The following CLIP2 variants were observed in gnomAD, a reference collection of about 807,000 sequenced individuals.
CLIP2 encodes the protein CAP-Gly domain-containing linker protein 2.
A neutral mutation model predicts 111.7 loss-of-function variants in CLIP2; 41 were observed. The observed-to-expected ratio is 0.37, with a 90% CI of 0.29 to 0.48. CLIP2 has a LOEUF of 0.48. Among genes scored for constraint, CLIP2 ranks in the 20% least tolerant of loss-of-function variants. The pLI is 0.99. For missense variants in CLIP2, 1,160 were observed against 1,422.1 expected (o/e 0.82, Z 2.96); for synonymous variants, 660 against 644.2 (o/e 1.02, Z -0.37).
At chr7:74,341,017 C>T (rs564246008) in intron 3 of CLIP2, among the ~76,000 whole-genome samples, 10 of 152,116 alleles carry the variant, frequency 6.6e-5, no homozygotes, top group Non-Finnish European at 7.4e-5. Flanking sequence ...AAGGTTTCTC[C>T]TGGAGGTTTC....
chr7:74,401,589 C>T, intron 16 of CLIP2, 22 bp downstream of exon 16: 1 of 1,610,888 alleles, frequency 6.2e-7, no homozygotes, highest in South Asian at 1.1e-5. Context: ...CTCGGGCCTC[C>T]CAGGTCCCTC....
intron 1 of CLIP2, among the ~76,000 whole-genome samples, chr7:74,312,479 C>T (rs1788666022): frequency 6.6e-6 from 1 of 152,118 alleles, no homozygotes; most frequent in East Asian, 1.9e-4. Flanking sequence ...CATTTGGTCA[C>T]CCACAAGGTG....
At chr7:74,388,861 C>G in intron 12 of CLIP2, 1 of 390,752 alleles carries the variant, frequency 2.6e-6, no homozygotes, top group Non-Finnish European at 4.5e-6. Flanking sequence ...GAGGCTGAGG[C>G]AGGAGGATTG....
intron 3 of CLIP2, among the ~76,000 whole-genome samples, chr7:74,351,641 G>T (rs1790001669): frequency 6.6e-6 from 1 of 151,920 alleles, no homozygotes. Flanking sequence ...TGCGAGACCA[G>T]CCTGGCCAAC....
At position 74,323,670 on chromosome 7, in the gene CLIP2, C is replaced by T. The variant is rs567020935; in HGVS notation, c.121+6003C>T. 1.5e-3 allele frequency among the ~76,000 whole-genome samples: 236 copies of T among 152,260 alleles called. 4 individuals are homozygous for T. Among genetic ancestry groups the T allele is most frequent in the Non-Finnish European group, 1.5e-4 (10 of 68,018 alleles). On this transcript the variant is annotated intron_variant, in intron 2 of 16. Coordinates refer to ENST00000223398, the MANE Select transcript of CLIP2 (RefSeq NM_003388.5). The stretch of plus-strand genomic sequence containing the variant: ...TCCAACTCCTGACTCAGGTAATCTG[C>T]CTGCCTCGGCCTCCCAAAGTGCTGG...
At chr7:74,322,379 G>T (rs1430099366) in intron 2 of CLIP2, among the ~76,000 whole-genome samples, 3 of 150,790 alleles carry the variant, frequency 2.0e-5, no homozygotes, top group Middle Eastern at 3.2e-3. Flanking sequence ...GCCAAGGCAG[G>T]CAGATCACCT....
chr7:74,314,097 G>C (rs531114480), intron 1 of CLIP2, among the ~76,000 whole-genome samples: 11 of 150,888 alleles, frequency 7.3e-5, no homozygotes, highest in African/African-American at 9.7e-5. Flanking sequence ...CAGAAGAATT[G>C]CTTGAAACCA....
chr7:74,295,805 G>C lies in CLIP2; in HGVS notation c.-68+6071G>C, dbSNP rs528068631. Among the ~76,000 whole-genome samples the C allele has an allele frequency of 5.9e-5, 9 of 152,036 alleles. 1 individual carries two copies. The South Asian group carries it at 1.9e-3, about 32-fold the overall frequency. On this transcript the variant is annotated intron_variant, in intron 1 of 16. Transcript: ENST00000223398. Reference sequence around the variant, plus strand: ...GAATCACTTGAGCCTAGGAGTTTGAGAGCAGCGTGGGCAACAGAGCCAGAC... The same window carrying C: ...GAATCACTTGAGCCTAGGAGTTTGACAGCAGCGTGGGCAACAGAGCCAGAC...
rs145292276 is a variant in CLIP2 at position 74,385,043 on chromosome 7, G to A, written c.2480-1478G>A. On this transcript the variant is annotated intron_variant, in intron 11 of 16. Transcript: ENST00000223398. ...TATAATCCCAACACTTTGGGAGGCC[G>A]AGGTGGGTGGATCACTTGAGGTCAA... 9.3e-3 allele frequency among the ~76,000 whole-genome samples: 1,397 copies of A among 149,892 alleles called. 19 individuals carry two copies. Among genetic ancestry groups the A allele is most frequent in the African/African-American group, 0.032 (1,288 of 40,720 alleles).
Position 74,353,942 on chromosome 7 carries a change from G to A in CLIP2, c.741G>A (p.Glu247=), listed in dbSNP as rs376818429. ...YVGETDFAKG[E]WCGVELDEPL... ...GGGAGACAGACTTTGCCAAGGGCGA[G>A]TGGTGTGGCGTGGAGCTGGACGAGC... The change falls in exon 4 of 17, where the codon GAG becomes GAA. Residue 247 remains glutamate (E), a synonymous_variant. Coordinates refer to ENST00000223398, the MANE Select transcript of CLIP2 (RefSeq NM_003388.5). 3.0e-5 allele frequency: 48 copies of A among 1,614,086 alleles called. No homozygotes were observed. In the African/African-American group the frequency reaches 5.2e-4, roughly 18 times the overall value.
At position 74,403,989 on chromosome 7, in the gene CLIP2, G is replaced by A. The variant is rs992656272; in HGVS notation, c.*141G>A. 1.4e-5 allele frequency: 13 copies of A among 915,848 alleles called. No homozygotes were observed. The highest frequency in any genetic ancestry group is 2.1e-5 in the Non-Finnish European group (12 of 564,814). 56.7% of individuals were successfully genotyped at this position (915,848 alleles called of 1,614,324 possible). A position where few individuals can be genotyped will look rare whatever the true frequency, so the allele number is the denominator to read the frequency against. ...GTAACAATAACGTACTCACCGCCGC[G>A]GACAATCCCCCACCCCGATCCCTCG... On this transcript the variant is annotated 3_prime_UTR_variant, in exon 17 of 17. Coordinates refer to ENST00000223398, the MANE Select transcript of CLIP2 (RefSeq NM_003388.5).
chr7:74,388,230 G>T (rs1313255595), intron 12 of CLIP2, among the ~76,000 whole-genome samples: 3 of 152,110 alleles, frequency 2.0e-5, no homozygotes, highest in Admixed American at 2.0e-4. Flanking sequence ...TACTCAGGAG[G>T]TTGAGGCAGG....
chr7:74,335,667 C>CTTCCTTCA (rs1789429026), intron 2 of CLIP2, among the ~76,000 whole-genome samples: 1 of 146,020 alleles, frequency 6.8e-6, no homozygotes, highest in East Asian at 2.0e-4. Flanking sequence ...TCCTTCCTTC[C>CTTCCTTCA]TTCCTTCCTT....
At chr7:74,344,424 C>G (rs1789745889) in intron 3 of CLIP2, among the ~76,000 whole-genome samples, 1 of 152,124 alleles carries the variant, frequency 6.6e-6, no homozygotes, top group African/African-American at 2.4e-5. Flanking sequence ...CTCTGTCACT[C>G]AGGATGGAGT....
chr7:74,301,405 C>T (rs777922176), intron 1 of CLIP2, among the ~76,000 whole-genome samples: 37 of 152,072 alleles, frequency 2.4e-4, no homozygotes, highest in Non-Finnish European at 4.3e-4. Flanking sequence ...ATTATTGAGA[C>T]GGAGTCTCGC....
At chr7:74,295,121 C>T (rs1326109351) in intron 1 of CLIP2, among the ~76,000 whole-genome samples, 1 of 152,122 alleles carries the variant, frequency 6.6e-6, no homozygotes, top group African/African-American at 2.4e-5. Context: ...TGTCACCATG[C>T]CCAGCTAATT....
chr7:74,337,686 C>T (rs1789514975), intron 2 of CLIP2, among the ~76,000 whole-genome samples: 1 of 152,122 alleles, frequency 6.6e-6, no homozygotes, highest in Non-Finnish European at 1.5e-5. Context: ...ATCTCCACCT[C>T]TCGAGTTCAA....
In CLIP2 at chr7:74,376,558, G is replaced by A. The variant is rs1790795335; in HGVS notation, c.2157G>A (p.Gln719=). The A allele has an allele frequency of 5.0e-6, 8 of 1,607,208 alleles. No homozygotes were observed. The highest frequency in any genetic ancestry group is 6.8e-6 in the Non-Finnish European group (8 of 1,177,598). The change falls in exon 10 of 17, where the codon CAG becomes CAA. Residue 719 remains glutamine (Q), a synonymous_variant. Transcript: ENST00000223398. This position sits in a 1 kb window ranked among gnomAD's most constrained non-coding sequence, Gnocchi z 7.1. Reference sequence around the variant, plus strand: ...CCAGCCAGCACCGGCTGGAGCTGCAGGAGGCCCAGGACCAGCGCCGGGATG... The same window carrying A: ...CCAGCCAGCACCGGCTGGAGCTGCAAGAGGCCCAGGACCAGCGCCGGGATG... ...VQASQHRLEL[Q]EAQDQRRDAE...
At chr7:74,401,606 A>G in intron 16 of CLIP2, 39 bp downstream of exon 16, 1 of 1,586,074 alleles carries the variant, frequency 6.3e-7, no homozygotes, top group Non-Finnish European at 8.6e-7. Flanking sequence ...CCTCCCGTGC[A>G]GGCAGACCTC....
Sources: gnomAD v4.1 joint callset for allele counts (sites outside exome capture counted in the v4.1 genomes callset) on GRCh38, gnomAD v4.1.1 for gene constraint, Gnocchi (gnomAD v3.1) non-coding constraint, MANE v1.5 for transcripts, NCBI Gene and HGNC (gene_info 2026-07-23, HGNC 2026-07-21) for gene names.